Variants in KPNA1 observed in about 807,000 individuals in gnomAD.
The protein encoded by KPNA1 is karyopherin subunit alpha 1, also known as importin subunit alpha-5.
In KPNA1, 10 loss-of-function variants were observed where a neutral mutation model predicts 70.5. The ratio of observed to expected loss-of-function variants is 0.14; its 90% confidence interval spans 0.09 to 0.24. The LOEUF (loss-of-function observed/expected upper bound fraction) is 0.24. Ranked by LOEUF, KPNA1 falls within the 10% of genes least tolerant of loss-of-function variation. The pLI, the probability that KPNA1 is intolerant of heterozygous loss-of-function variation, is 1.00. For missense variants in KPNA1, 397 were observed against 637.9 expected, an observed-to-expected ratio of 0.62 and a Z score of 4.07; for synonymous variants, 192 against 221.9, an observed-to-expected ratio of 0.87 and a Z score of 1.20.
intron 2 of KPNA1, among the ~76,000 whole-genome samples, chr3:122,468,738 G>A (rs1576316106): frequency 6.6e-6 from 1 of 152,328 alleles, no homozygotes. Context: ...GATAGGCAAT[G>A]TAAGGAGAGA....
At chr3:122,483,409 G>A (rs756638891) in intron 2 of KPNA1, among the ~76,000 whole-genome samples, 14 of 152,022 alleles carry the variant, frequency 9.2e-5, no homozygotes, top group Admixed American at 2.6e-4. Context: ...CAACGGTATG[G>A]TCTAGGCTCA....
chr3:122,511,546 C>T (rs1308156362), intron 1 of KPNA1, among the ~76,000 whole-genome samples: 2 of 152,154 alleles, frequency 1.3e-5, no homozygotes, highest in Non-Finnish European at 2.9e-5. Context: ...CAGTCTTCAT[C>T]CCTACTCTTC....
At chr3:122,456,454 T>C (rs2107740692) in intron 5 of KPNA1, among the ~76,000 whole-genome samples, 1 of 152,320 alleles carries the variant, frequency 6.6e-6, no homozygotes, top group East Asian at 1.9e-4. Context: ...ATTATAATAA[T>C]AACCTGGGTA....
intron 2 of KPNA1, among the ~76,000 whole-genome samples, chr3:122,469,764 G>C (rs1338321816): frequency 1.3e-5 from 2 of 151,964 alleles, no homozygotes; most frequent in Non-Finnish European, 2.9e-5. Context: ...AGAAATAAAG[G>C]AAAAACAATC....
intron 2 of KPNA1, among the ~76,000 whole-genome samples, chr3:122,470,548 A>C (rs2076429944): frequency 6.6e-6 from 1 of 151,782 alleles, no homozygotes; most frequent in Admixed American, 6.6e-5. Context: ...AAATAAATAA[A>C]TAAAAATTTT....
At chr3:122,497,925 CTGT>C (rs1284011822) in intron 1 of KPNA1, among the ~76,000 whole-genome samples, 8 of 152,064 alleles carry the variant, frequency 5.3e-5, no homozygotes, top group Admixed American at 5.2e-4. Context: ...CCAAATTAAT[CTGT>C]TTTTTGCTGT....
intron 5 of KPNA1, chr3:122,460,371 C>T: frequency 1.0e-6 from 1 of 965,714 alleles, no homozygotes; most frequent in African/African-American, 1.8e-5. Flanking sequence ...GGAGCAGTGG[C>T]TCACACCTGT....
At chr3:122,449,520 G>C in intron 9 of KPNA1, 54 bp downstream of exon 9, 1 of 1,431,476 alleles carries the variant, frequency 7.0e-7, no homozygotes, top group Non-Finnish European at 9.6e-7. Context: ...TTAGCAGCTA[G>C]AAAACTAGTA....
At chr3:122,441,602 CTT>C (rs374275451) in intron 10 of KPNA1, among the ~76,000 whole-genome samples, 44 of 147,498 alleles carry the variant, frequency 3.0e-4, no homozygotes, top group Admixed American at 6.1e-4. Flanking sequence ...CCTAAACCAA[CTT>C]TTTTTTTTTT....
At chr3:122,495,261 C>CAAAAAAAAAAAAAAA (rs1436372311) in intron 2 of KPNA1, among the ~76,000 whole-genome samples, 2 of 57,830 alleles carry the variant, frequency 3.5e-5, no homozygotes, top group African/African-American at 1.0e-4. Context: ...CTCAAACAAA[C>CAAAAAAAAAAAAAAA]CAAAAAAAAA....
intron 1 of KPNA1, among the ~76,000 whole-genome samples, chr3:122,501,229 A>G (rs1296532953): frequency 2.0e-5 from 3 of 151,862 alleles, no homozygotes; most frequent in Non-Finnish European, 4.4e-5. Context: ...AGGTTTCACC[A>G]TGTTGGCCAG....
chr3:122,513,746 T>G (rs1470760981), intron 1 of KPNA1, among the ~76,000 whole-genome samples: 1 of 152,120 alleles, frequency 6.6e-6, no homozygotes, highest in African/African-American at 2.4e-5. Flanking sequence ...AAGTTAATAT[T>G]ACTTGACAGT....
At chr3:122,444,853 T>C (rs2076115075) in intron 9 of KPNA1, among the ~76,000 whole-genome samples, 1 of 152,102 alleles carries the variant, frequency 6.6e-6, no homozygotes, top group African/African-American at 2.4e-5. Flanking sequence ...AGGAATAGCA[T>C]CAACATCAAC....
At chr3:122,462,114 G>A (rs1409016337) in intron 4 of KPNA1, among the ~76,000 whole-genome samples, 6 of 151,922 alleles carry the variant, frequency 3.9e-5, no homozygotes, top group Non-Finnish European at 2.9e-5. Context: ...TATTAACCAC[G>A]CAGGTAAGCA....
At chr3:122,476,312 C>T (rs1198339103) in intron 2 of KPNA1, among the ~76,000 whole-genome samples, 2 of 152,108 alleles carry the variant, frequency 1.3e-5, no homozygotes, top group East Asian at 3.9e-4. Context: ...AAGACTGAAA[C>T]TAAGACCTGA....
At chr3:122,441,976 A>G (rs2076069597) in intron 10 of KPNA1, 62 bp downstream of exon 10, 1 of 1,078,030 alleles carries the variant, frequency 9.3e-7, no homozygotes, top group Non-Finnish European at 1.4e-6. Context: ...TAATAGAAAC[A>G]TGATCATGAA....
At chr3:122,432,788 T>C (rs2075928895) in intron 12 of KPNA1, 1 of 152,052 alleles carries the variant, frequency 6.6e-6, no homozygotes, top group Admixed American at 6.6e-5. Flanking sequence ...TCATTAAGCT[T>C]ATAAGCTGCT....
chr3:122,458,809 CGATAT>C (rs1015310441), intron 5 of KPNA1, among the ~76,000 whole-genome samples: 3 of 152,122 alleles, frequency 2.0e-5, no homozygotes, highest in African/African-American at 7.2e-5. Context: ...AGGTCTCTCT[CGATAT>C]ATTTGCCCCC....
intron 2 of KPNA1, among the ~76,000 whole-genome samples, chr3:122,482,792 G>C (rs920434452): frequency 6.6e-6 from 1 of 152,136 alleles, no homozygotes; most frequent in African/African-American, 2.4e-5. Flanking sequence ...ATAAAAATCT[G>C]TAAGACCTAT....
Sources: gnomAD v4.1 joint callset for allele counts (sites outside exome capture counted in the v4.1 genomes callset) on GRCh38, gnomAD v4.1.1 for gene constraint, MANE v1.5 for transcripts, NCBI Gene and HGNC (gene_info 2026-07-23, HGNC 2026-07-21) for gene names.